Variants in NPFFR2 observed in about 807,000 individuals in gnomAD.
The protein encoded by NPFFR2 is neuropeptide FF receptor 2, also known as G-protein coupled receptor 74.
NPFFR2 carries 15 observed loss-of-function variants against 13.1 expected under a neutral mutation model. The observed-to-expected ratio is 1.15, with a 90% CI of 0.77 to 1.76. The LOEUF (loss-of-function observed/expected upper bound fraction) is 1.76, where lower values mean the gene tolerates loss of function less well. Ranked by LOEUF, NPFFR2 falls within the 40% of genes most tolerant of loss-of-function variation. The pLI, the probability that NPFFR2 is intolerant of heterozygous loss-of-function variation, is 0.00. For synonymous variants in NPFFR2, 190 were observed against 175.7 expected, an observed-to-expected ratio of 1.08 and a Z score of -0.65; for missense variants, 572 against 503.5, an observed-to-expected ratio of 1.14 and a Z score of -1.30.
intron 1 of NPFFR2, among the ~76,000 whole-genome samples, chr4:72,121,625 C>T (rs989395400): frequency 2.0e-5 from 3 of 152,124 alleles, no homozygotes; most frequent in Non-Finnish European, 4.4e-5. Flanking sequence ...GAATTTTCAA[C>T]CCAGAATTTC....
At chr4:72,084,706 G>A (rs1349953083) in intron 1 of NPFFR2, among the ~76,000 whole-genome samples, 1 of 152,106 alleles carries the variant, frequency 6.6e-6, no homozygotes, top group Non-Finnish European at 1.5e-5. Flanking sequence ...TTGTGCTTCA[G>A]TGCTTTCCTG....
chr4:72,066,289 C>A (rs1280046554), intron 1 of NPFFR2, among the ~76,000 whole-genome samples: 1 of 152,058 alleles, frequency 6.6e-6, no homozygotes, highest in Non-Finnish European at 1.5e-5. Flanking sequence ...AGAAGGATCC[C>A]TCATGACCTA....
At chr4:72,048,088 A>G (rs1042034788) in intron 1 of NPFFR2, among the ~76,000 whole-genome samples, 2 of 149,668 alleles carry the variant, frequency 1.3e-5, no homozygotes, top group Non-Finnish European at 3.0e-5. Flanking sequence ...ACACACACAC[A>G]TATATGTTTA....
chr4:72,112,089 C>G (rs1437563527), intron 1 of NPFFR2, among the ~76,000 whole-genome samples: 2 of 152,058 alleles, frequency 1.3e-5, no homozygotes, highest in East Asian at 3.9e-4. Flanking sequence ...ATCTCAGTCT[C>G]TCAGCCAACC....
chr4:72,053,032 C>T (rs1307974770), intron 1 of NPFFR2, among the ~76,000 whole-genome samples: 3 of 151,696 alleles, frequency 2.0e-5, no homozygotes, highest in African/African-American at 7.3e-5. Flanking sequence ...TGATTGATAT[C>T]GTGTGCCTCC....
rs1722831739 is a variant in NPFFR2 at position 72,147,683 on chromosome 4, G to T, written c.1134G>T (p.Gln378His). 14 of 1,613,862 alleles carry T rather than the reference G, an allele frequency of 8.7e-6. No homozygotes were observed. The highest frequency in any genetic ancestry group is 1.2e-5 in the Non-Finnish European group (14 of 1,179,986). Residue 378 changes from glutamine (Q) to histidine (H), a missense_variant, in exon 4 of 4, where the codon CAG (glutamine) becomes CAT (histidine). Gln to His is a conservative substitution (Grantham distance 24). Transcript: ENST00000308744. ...ATGTGCTCATAAACACATCTAATCA[G>T]CTTGTCCAGGAATCTACATTTCAAA... is the stretch of plus-strand genomic sequence containing the variant. ...KSHVLINTSN[Q>H]LVQESTFQNP...
At chr4:72,066,850 C>G (rs925257313) in intron 1 of NPFFR2, among the ~76,000 whole-genome samples, 1 of 152,106 alleles carries the variant, frequency 6.6e-6, no homozygotes, top group Non-Finnish European at 1.5e-5. Context: ...AAGCAGCTGC[C>G]CTCACAGATT....
chr4:72,125,056 T>C (rs1290776090), intron 1 of NPFFR2, among the ~76,000 whole-genome samples: 1 of 152,142 alleles, frequency 6.6e-6, no homozygotes, highest in Non-Finnish European at 1.5e-5. Flanking sequence ...ATATCCAGAA[T>C]CTACAAGGAA....
chr4:72,060,641 C>A (rs1350687130), intron 1 of NPFFR2, among the ~76,000 whole-genome samples: 2 of 151,990 alleles, frequency 1.3e-5, no homozygotes, highest in Admixed American at 6.6e-5. Context: ...AAATTCTGAA[C>A]CTTTGGGGGA....
chr4:72,094,270 G>A (rs1720993259), intron 1 of NPFFR2, among the ~76,000 whole-genome samples: 1 of 152,132 alleles, frequency 6.6e-6, no homozygotes, highest in South Asian at 2.1e-4. Flanking sequence ...AGAGTTCTTG[G>A]TTGTATTTTT....
chr4:72,116,400 C>G (rs962387327), intron 1 of NPFFR2, among the ~76,000 whole-genome samples: 1 of 151,330 alleles, frequency 6.6e-6, no homozygotes, highest in African/African-American at 2.4e-5. Context: ...GGACAATGGA[C>G]ACTGGGGACT....
chr4:72,102,535 C>T (rs1051519770), intron 1 of NPFFR2, among the ~76,000 whole-genome samples: 1 of 127,242 alleles, frequency 7.9e-6, no homozygotes, highest in African/African-American at 3.0e-5. Context: ...CCTCCCCCCA[C>T]CCACAACAGT....
rs190675370 is a variant in NPFFR2 at position 72,064,839 on chromosome 4, C to G, written c.-8+32639C>G. The stretch of plus-strand genomic sequence containing the variant: ...ATTGATCCCTGTGAGTAGGGCTAAA[C>G]AATGCTAACAATGATCACCTGAGAC... On this transcript the variant is annotated intron_variant, in intron 1 of 3. Coordinates refer to ENST00000308744, the MANE Select transcript of NPFFR2 (RefSeq NM_004885.3). 5.9e-5 allele frequency among the ~76,000 whole-genome samples: 9 copies of G among 152,250 alleles called. No homozygotes were observed. In the East Asian group the frequency reaches 1.7e-3, roughly 29 times the overall value.
intron 1 of NPFFR2, among the ~76,000 whole-genome samples, chr4:72,127,802 A>G (rs1722107783): frequency 6.6e-6 from 1 of 152,090 alleles, no homozygotes; most frequent in Non-Finnish European, 1.5e-5. Flanking sequence ...TATTCAGGCC[A>G]CGCACGGTGG....
At chr4:72,094,850 G>A (rs1721016237) in intron 1 of NPFFR2, among the ~76,000 whole-genome samples, 1 of 152,194 alleles carries the variant, frequency 6.6e-6, no homozygotes, top group Non-Finnish European at 1.5e-5. Context: ...TTCCTGGTAT[G>A]TTCCTGCCGT....
intron 2 of NPFFR2, among the ~76,000 whole-genome samples, chr4:72,133,454 T>G (rs563415969): frequency 7.9e-5 from 12 of 152,322 alleles, no homozygotes; most frequent in Non-Finnish European, 1.5e-4. Context: ...TGCCTCCAGC[T>G]TTGTTCTTTT....
chr4:72,140,192 G>A (rs548708225), intron 3 of NPFFR2, among the ~76,000 whole-genome samples: 11 of 152,246 alleles, frequency 7.2e-5, no homozygotes, highest in South Asian at 6.2e-4. Context: ...ATACAATGAC[G>A]TCATCTGCAA....
At chr4:72,074,326 T>C (rs1720362484) in intron 1 of NPFFR2, among the ~76,000 whole-genome samples, 2 of 152,020 alleles carry the variant, frequency 1.3e-5, no homozygotes, top group South Asian at 4.1e-4. Flanking sequence ...TCTCATCACA[T>C]AGGGATTTTG....
intron 1 of NPFFR2, among the ~76,000 whole-genome samples, chr4:72,084,620 T>A (rs1480408195): frequency 6.6e-6 from 1 of 152,188 alleles, no homozygotes. Flanking sequence ...CACGTCTGAT[T>A]TCAGCAACAG....
Sources: gnomAD v4.1 joint callset for allele counts (sites outside exome capture counted in the v4.1 genomes callset) on GRCh38, gnomAD v4.1.1 for gene constraint, MANE v1.5 for transcripts, NCBI Gene and HGNC (gene_info 2026-07-23, HGNC 2026-07-21) for gene names.